Variants in RUNX1 observed in about 807,000 individuals in gnomAD.
RUNX1 encodes runt-related transcription factor 1.
RUNX1 carries 19 observed loss-of-function variants against 42.8 expected under a neutral mutation model. The observed-to-expected ratio is 0.44, with a 90% CI of 0.31 to 0.65. RUNX1 has a LOEUF of 0.65. Among genes scored for constraint, RUNX1 ranks in the 30% least tolerant of loss-of-function variants. The pLI, the probability that RUNX1 is intolerant of heterozygous loss-of-function variation, is 0.07. For missense variants in RUNX1, 528 were observed against 672.0 expected, an observed-to-expected ratio of 0.79 and a Z score of 2.37; for synonymous variants, 271 against 289.4, an observed-to-expected ratio of 0.94 and a Z score of 0.64.
intron 2 of RUNX1, among the ~76,000 whole-genome samples, chr21:34,973,857 A>G (rs2058780188): frequency 1.3e-5 from 2 of 152,226 alleles, no homozygotes; most frequent in African/African-American, 4.8e-5. Context: ...GGAGAAATGC[A>G]TCGCTGATAT....
intron 2 of RUNX1, among the ~76,000 whole-genome samples, chr21:34,932,237 T>C (rs553301700): frequency 5.3e-5 from 8 of 152,328 alleles, no homozygotes; most frequent in Non-Finnish European, 7.4e-5. Context: ...AACATGTTTA[T>C]TGAGTAATAT....
At chr21:34,850,392 T>C (rs976774433) in intron 6 of RUNX1, among the ~76,000 whole-genome samples, 64 of 152,368 alleles carry the variant, frequency 4.2e-4, no homozygotes, top group African/African-American at 1.4e-3. Flanking sequence ...GCCATGTTTA[T>C]GTGCTTGCAA....
Position 35,048,922 on chromosome 21 carries a change from C to T in RUNX1, c.-23G>A, listed in dbSNP as rs745518619. 1 of 1,611,436 alleles carries T rather than the reference C, an allele frequency of 6.2e-7. No homozygotes were observed. Among genetic ancestry groups the T allele is most frequent in the African/African-American group, 1.3e-5 (1 of 74,944 alleles). ...CATCGCTTCCTCCTGAAAATGCACC[C>T]TCTTCTGAAGGCGGGGGACTCAATG... is the stretch of plus-strand genomic sequence containing the variant. On this transcript the variant is annotated 5_prime_UTR_variant, in exon 2 of 9. Transcript: ENST00000675419.
At chr21:35,018,620 CTT>C (rs2059176542) in intron 2 of RUNX1, among the ~76,000 whole-genome samples, 1 of 152,220 alleles carries the variant, frequency 6.6e-6, no homozygotes, top group South Asian at 2.1e-4. Flanking sequence ...TGAATTATCA[CTT>C]AACTTGGGGG....
intron 7 of RUNX1, among the ~76,000 whole-genome samples, chr21:34,819,223 GA>G (rs2056873370): frequency 6.6e-6 from 1 of 152,204 alleles, no homozygotes; most frequent in Non-Finnish European, 1.5e-5. Flanking sequence ...CTTTGAGCAA[GA>G]AAAGTCTCTC....
chr21:35,029,258 AC>A (rs1299372501), intron 2 of RUNX1, among the ~76,000 whole-genome samples: 1 of 152,242 alleles, frequency 6.6e-6, no homozygotes, highest in African/African-American at 2.4e-5. Context: ...GACTGAAAGA[AC>A]AGTAGTATAC....
intron 3 of RUNX1, among the ~76,000 whole-genome samples, chr21:34,888,872 G>A (rs1007298137): frequency 6.6e-6 from 1 of 151,574 alleles, no homozygotes; most frequent in South Asian, 2.1e-4. Flanking sequence ...CCGCCGCGCC[G>A]CGCGCTACTG....
intron 6 of RUNX1, among the ~76,000 whole-genome samples, chr21:34,848,121 T>C (rs1219264478): frequency 6.6e-6 from 1 of 152,204 alleles, no homozygotes; most frequent in African/African-American, 2.4e-5. Flanking sequence ...CTAACATGAA[T>C]TATTTTATTC....
At chr21:34,849,625 TA>T (rs2057388797) in intron 6 of RUNX1, among the ~76,000 whole-genome samples, 1 of 147,610 alleles carries the variant, frequency 6.8e-6, no homozygotes, top group Admixed American at 7.0e-5. Flanking sequence ...AATCATACTA[TA>T]AAAAAGGAAT....
chr21:34,885,971 T>C (rs1398410197), intron 4 of RUNX1, among the ~76,000 whole-genome samples: 2 of 152,198 alleles, frequency 1.3e-5, no homozygotes, highest in Non-Finnish European at 2.9e-5. Context: ...CATACCCCTG[T>C]TGAAGGTCAA....
intron 2 of RUNX1, among the ~76,000 whole-genome samples, chr21:34,941,320 C>T (rs2058525048): frequency 6.6e-6 from 1 of 152,180 alleles, no homozygotes; most frequent in Non-Finnish European, 1.5e-5. Flanking sequence ...CTCCTTTCCT[C>T]CTGGAATTTC....
chr21:34,888,231 G>C, intron 3 of RUNX1: 1 of 1,066,976 alleles, frequency 9.4e-7, no homozygotes, highest in South Asian at 4.5e-5. Flanking sequence ...GAACACCCAC[G>C]AGCGCCGCGT....
At chr21:34,858,290 G>C (rs1363936237) in intron 6 of RUNX1, among the ~76,000 whole-genome samples, 3 of 152,148 alleles carry the variant, frequency 2.0e-5, no homozygotes, top group Non-Finnish European at 4.4e-5. Flanking sequence ...ACCCCACCTA[G>C]AAACCACCAT....
At chr21:34,796,283 A>T (rs2056526746) in intron 8 of RUNX1, among the ~76,000 whole-genome samples, 1 of 152,214 alleles carries the variant, frequency 6.6e-6, no homozygotes. Flanking sequence ...TGGTCAAACT[A>T]TCTTTTTTAC....
chr21:34,921,288 A>C (rs1601572159), intron 2 of RUNX1, among the ~76,000 whole-genome samples: 1 of 151,626 alleles, frequency 6.6e-6, no homozygotes, highest in Non-Finnish European at 1.5e-5. Flanking sequence ...AGTCAACACC[A>C]CCTCCCTGTT....
intron 6 of RUNX1, among the ~76,000 whole-genome samples, chr21:34,844,254 C>T (rs539412283): frequency 2.6e-5 from 4 of 152,202 alleles, no homozygotes; most frequent in Non-Finnish European, 5.9e-5. Flanking sequence ...GATATGAGCA[C>T]TGACTCACAG....
chr21:34,969,134 C>T (rs1051320631), intron 2 of RUNX1, among the ~76,000 whole-genome samples: 2 of 152,156 alleles, frequency 1.3e-5, no homozygotes, highest in African/African-American at 2.4e-5. Flanking sequence ...CAAACCGGGG[C>T]GACTACGATG....
At chr21:34,954,897 T>A (rs577187931) in intron 2 of RUNX1, among the ~76,000 whole-genome samples, 1 of 152,318 alleles carries the variant, frequency 6.6e-6, no homozygotes, top group African/African-American at 2.4e-5. Context: ...TGGCATTAAT[T>A]ACTCTGATTT....
chr21:34,993,491 T>C (rs1415835368), intron 2 of RUNX1, among the ~76,000 whole-genome samples: 3 of 139,926 alleles, frequency 2.1e-5, no homozygotes, highest in Non-Finnish European at 3.0e-5. Context: ...GTCTGTTTGT[T>C]TGTCCCTACA....
Sources: allele counts gnomAD v4.1 joint callset (sites outside exome capture counted in the v4.1 genomes callset), GRCh38; gene constraint gnomAD v4.1.1; transcripts MANE v1.5; gene names NCBI Gene and HGNC (gene_info 2026-07-23, HGNC 2026-07-21).